The following DOCK7 variants were observed in gnomAD, a reference collection of about 807,000 sequenced individuals.
DOCK7 encodes dedicator of cytokinesis protein 7.
In DOCK7, 138 loss-of-function variants were observed where a neutral mutation model predicts 271.0. That is an observed-to-expected ratio of 0.51 (90% CI 0.44 to 0.59). DOCK7 has a LOEUF of 0.59. Ranked by LOEUF, DOCK7 falls within the 20% of genes least tolerant of loss-of-function variation. DOCK7 has a pLI of 0.00. For missense variants in DOCK7, 2,066 were observed against 2,592.4 expected (o/e 0.80, Z 4.41); for synonymous variants, 823 against 876.1 (o/e 0.94, Z 1.07).
At chr1:62,637,250 T>C (rs1655390722) in intron 7 of DOCK7, among the ~76,000 whole-genome samples, 1 of 152,214 alleles carries the variant, frequency 6.6e-6, no homozygotes, top group Admixed American at 6.5e-5. Context: ...ATTCCCATTA[T>C]ATGAATACGG....
intron 14 of DOCK7, chr1:62,602,405 C>A: frequency 6.3e-7 from 1 of 1,581,488 alleles, no homozygotes; most frequent in Non-Finnish European, 8.7e-7. Context: ...TTCAATCATT[C>A]ATTCACTTGC....
chr1:62,583,955 C>T (rs1647223818), intron 15 of DOCK7: 1 of 184,492 alleles, frequency 5.4e-6, no homozygotes, highest in Non-Finnish European at 1.0e-5. Context: ...ATAAATGGCT[C>T]AATGTCAAGG....
intron 17 of DOCK7, 65 bp from the exon 18 acceptor site, chr1:62,577,428 T>A: frequency 1.6e-6 from 2 of 1,281,678 alleles, no homozygotes; most frequent in African/African-American, 2.9e-5. Context: ...TTACTTAGCA[T>A]GTTTTAAGAA....
At position 62,477,837 on chromosome 1, in the gene DOCK7, A is replaced by G; in HGVS notation, c.5509-12T>C. The G allele has an allele frequency of 6.3e-7, 1 of 1,583,178 alleles. No individual in the cohort carries two copies. The highest frequency in any genetic ancestry group is 8.6e-7 in the Non-Finnish European group (1 of 1,167,508). On this transcript the variant is annotated splice_polypyrimidine_tract_variant and intron_variant, in intron 43 of 49. Transcript: ENST00000635253. ...GTGCCAAACATCCGCTTACCATCCT[A>G]GGTTTAGGAAAATGGAGAAACTTTA...
At chr1:62,520,184 G>A (rs967378763) in intron 31 of DOCK7, among the ~76,000 whole-genome samples, 2 of 152,144 alleles carry the variant, frequency 1.3e-5, no homozygotes, top group Non-Finnish European at 2.9e-5. Context: ...TCAGGACATA[G>A]GCATGGGCAA....
intron 15 of DOCK7, among the ~76,000 whole-genome samples, chr1:62,583,951 G>A (rs992215890): frequency 2.6e-5 from 4 of 152,086 alleles, no homozygotes; most frequent in African/African-American, 9.7e-5. Flanking sequence ...TTAGATAAAT[G>A]GCTCAATGTC....
chr1:62,467,217 T>G (rs959468164), intron 48 of DOCK7, among the ~76,000 whole-genome samples: 1 of 152,202 alleles, frequency 6.6e-6, no homozygotes, highest in African/African-American at 2.4e-5. Flanking sequence ...CCAGAGGTTA[T>G]GCATGACTTC....
chr1:62,531,517 T>G, intron 29 of DOCK7, among the ~76,000 whole-genome samples: 1 of 152,194 alleles, frequency 6.6e-6, no homozygotes, highest in East Asian at 1.9e-4. Context: ...TTAAGGAACA[T>G]AAATCCTCTC....
intron 1 of DOCK7, among the ~76,000 whole-genome samples, chr1:62,671,933 A>C (rs973251891): frequency 6.7e-6 from 1 of 150,306 alleles, no homozygotes; most frequent in Non-Finnish European, 1.5e-5. Flanking sequence ...TTACTATGAG[A>C]AGCAGAGGAA....
chr1:62,599,351 C>A (rs1055841315), intron 14 of DOCK7, among the ~76,000 whole-genome samples: 3 of 151,972 alleles, frequency 2.0e-5, no homozygotes, highest in African/African-American at 7.2e-5. Flanking sequence ...CGCTCTTCTG[C>A]CCTGGTATCT....
intron 48 of DOCK7, chr1:62,458,072 G>GT: frequency 4.9e-6 from 1 of 202,954 alleles, no homozygotes. Flanking sequence ...GGATGCTTCA[G>GT]CCCAGGAAGT....
chr1:62,679,068 C>A (rs756071122), intron 1 of DOCK7, among the ~76,000 whole-genome samples: 1 of 151,742 alleles, frequency 6.6e-6, no homozygotes, highest in South Asian at 2.1e-4. Context: ...ACAATAGAGG[C>A]GGCAGGGCAG....
At chr1:62,635,187 G>C (rs1655109562) in intron 8 of DOCK7, 2 of 228,284 alleles carry the variant, frequency 8.8e-6, no homozygotes, top group East Asian at 1.9e-4. Flanking sequence ...CTCATGTAAA[G>C]TTTATATTTC....
At chr1:62,603,964 T>C (rs1374066813) in intron 14 of DOCK7, 1 of 1,612,506 alleles carries the variant, frequency 6.2e-7, no homozygotes, top group South Asian at 1.1e-5. Context: ...AACTTTTCTT[T>C]TCAGGAGAAT....
In DOCK7 at chr1:62,508,043, A is replaced by C; in HGVS notation, c.4395T>G (p.Ile1465Met). ...TTCCATCAATCAGTGCTTCGTGTTC[A>C]ATCTCTGCTCTTGATCTAATACAAA... The part of the protein sequence containing the change: ...TEKLDKSRAE[I>M]EHEALIDGNL... The change falls in exon 35 of 50, where the codon ATT becomes ATG. Residue 1465 changes from isoleucine (I) to methionine (M), a missense_variant. Transcript: ENST00000635253. The C allele has an allele frequency of 6.2e-7, 1 of 1,610,624 alleles. No individual in the cohort carries two copies. Among genetic ancestry groups the C allele is most frequent in the Non-Finnish European group, 8.5e-7 (1 of 1,179,204 alleles).
intron 15 of DOCK7, among the ~76,000 whole-genome samples, chr1:62,585,425 G>A (rs2149496694): frequency 6.6e-6 from 1 of 152,228 alleles, no homozygotes; most frequent in Non-Finnish European, 1.5e-5. Context: ...AGAATCTATA[G>A]CAATAGCATA....
At chr1:62,604,413 T>C (rs1650638991) in intron 14 of DOCK7, 2 of 906,524 alleles carry the variant, frequency 2.2e-6, no homozygotes, top group East Asian at 5.3e-5. Flanking sequence ...TCAGGTATTT[T>C]ACCTCTAATC....
chr1:62,551,658 A>G (rs1645909602), intron 22 of DOCK7, among the ~76,000 whole-genome samples: 1 of 152,100 alleles, frequency 6.6e-6, no homozygotes, highest in South Asian at 2.1e-4. Context: ...TAAACTCAAT[A>G]GGAAGGTAGC....
chr1:62,655,221 C>T (rs987170264), intron 2 of DOCK7, among the ~76,000 whole-genome samples: 4 of 151,034 alleles, frequency 2.6e-5, no homozygotes, highest in Non-Finnish European at 4.4e-5. Flanking sequence ...TTATCTAGTT[C>T]GAAAAAGAAA....
Sources: allele counts gnomAD v4.1 joint callset (sites outside exome capture counted in the v4.1 genomes callset), GRCh38; gene constraint gnomAD v4.1.1; transcripts MANE v1.5; gene names NCBI Gene and HGNC (gene_info 2026-07-23, HGNC 2026-07-21).